Variants in NOX5 observed in about 807,000 individuals in gnomAD.
NOX5 encodes NADPH oxidase 5, also known as NADPH oxidase, EF-hand calcium binding domain 5.
A neutral mutation model predicts 85.7 loss-of-function variants in NOX5; 76 were observed. The ratio of observed to expected loss-of-function variants is 0.89; its 90% confidence interval spans 0.74 to 1.07. The LOEUF (loss-of-function observed/expected upper bound fraction) is 1.07. Ranked by LOEUF, NOX5 falls within the 50% of genes least tolerant of loss-of-function variation. NOX5 has a pLI of 0.00. For missense variants in NOX5, 973 were observed against 999.5 expected (o/e 0.97, Z 0.36); for synonymous variants, 405 against 401.4 (o/e 1.01, Z -0.11).
At chr15:69,048,811 T>C (rs1028415909) in intron 13 of NOX5, 148 bp from the exon 14 acceptor site, 3 of 556,430 alleles carry the variant, frequency 5.4e-6, no homozygotes, top group African/African-American at 1.9e-5. Flanking sequence ...CTCACCTCTA[T>C]GAGCCTTGAT....
intron 9 of NOX5, among the ~76,000 whole-genome samples, chr15:69,039,593 G>A (rs2050569084): frequency 6.6e-6 from 1 of 152,178 alleles, no homozygotes; most frequent in Non-Finnish European, 1.5e-5. Context: ...GCCAGCTCAG[G>A]AGAGGATATA....
chr15:69,056,533 C>T, intron 15 of NOX5, 32 bp from the exon 16 acceptor site: 1 of 1,608,590 alleles, frequency 6.2e-7, no homozygotes, highest in Non-Finnish European at 8.5e-7. Flanking sequence ...ACCTATCTTC[C>T]CTCTTCTCTT....
At chr15:69,035,693 A>G in intron 6 of NOX5, 65 bp from the exon 7 acceptor site, 1 of 1,585,328 alleles carries the variant, frequency 6.3e-7, no homozygotes, top group Non-Finnish European at 8.6e-7. Context: ...TGGGGATCCC[A>G]ATGGGAAGGT....
chr15:69,056,639 G>A lies in NOX5; in HGVS notation c.2241G>A (p.Lys747=). Residue 747 remains lysine, a synonymous_variant, in exon 16 of 16, where the codon AAG becomes AAA. Transcript: ENST00000388866. ...VFFCGSPALA[K]VLKGHCEKFG... is the part of the protein sequence containing the mutation. ...TCTGTGGCTCCCCAGCTCTGGCCAA[G>A]GTGCTGAAGGGCCATTGTGAGAAGT... 6.2e-7 allele frequency: 1 copy of A among 1,613,830 alleles called. No individual in the cohort carries two copies. The highest frequency in any genetic ancestry group is 8.5e-7 in the Non-Finnish European group (1 of 1,180,036).
rs2050872618 is a variant in NOX5 at position 69,061,766 on chromosome 15, G to C, written c.*5070G>C. ...GCCCTAATACTACTCAGGGACAAAT[G>C]GGCCCTCTTAAACTACCCTAGCTGT... On this transcript the variant is annotated 3_prime_UTR_variant, in exon 16 of 16. Transcript: ENST00000388866. The C allele has an allele frequency of 6.6e-6, 1 of 152,114 alleles. No individual in the cohort carries two copies. The highest frequency in any genetic ancestry group is 1.5e-5 in the Non-Finnish European group (1 of 68,042). The allele number at this position is 152,114 out of a possible 1,614,324, so 9.4% of individuals were successfully genotyped here.
chr15:69,047,060 C>G (rs2050682890), intron 11 of NOX5, 194 bp downstream of exon 11: 1 of 618,218 alleles, frequency 1.6e-6, no homozygotes. Flanking sequence ...GGTGCTCAGC[C>G]TCACCCTCAG....
At chr15:69,019,385 C>G (rs1239653933) in intron 1 of NOX5, among the ~76,000 whole-genome samples, 1 of 152,212 alleles carries the variant, frequency 6.6e-6, no homozygotes, top group African/African-American at 2.4e-5. Context: ...TCAGTATCCT[C>G]TTTGTGATAT....
intron 12 of NOX5, 145 bp from the exon 13 acceptor site, chr15:69,047,685 C>G (rs1035611885): frequency 1.5e-6 from 2 of 1,333,460 alleles, no homozygotes; most frequent in Admixed American, 4.2e-5. Flanking sequence ...CTCTGCCCCC[C>G]TCTCCTTTTT....
intron 3 of NOX5, chr15:69,030,361 T>C (rs986254869): frequency 1.3e-5 from 2 of 152,226 alleles, no homozygotes; most frequent in Non-Finnish European, 2.9e-5. Context: ...TCTTCAGCAA[T>C]GTTCATTTTG....
chr15:69,047,622 C>T, intron 12 of NOX5, 85 bp downstream of exon 12: 1 of 1,499,544 alleles, frequency 6.7e-7, no homozygotes, highest in South Asian at 1.3e-5. Context: ...ATTCCTTCTC[C>T]TTCCTCTCCT....
chr15:69,046,861 A>G lies in NOX5; in HGVS notation c.1687A>G (p.Ile563Val), dbSNP rs545190178. ...TTTGGAGAAACACAAATTCTGTAACATCAAGGTGAGAGGCTGCAGGGGTGG... is the reference window on the plus strand; with the variant it reads ...TTTGGAGAAACACAAATTCTGTAACGTCAAGGTGAGAGGCTGCAGGGGTGG... ...ILLEKHKFCN[I>V]KCYIDGPYGT... The change falls in exon 11 of 16, where the codon ATC becomes GTC. Residue 563 changes from isoleucine to valine, a missense_variant. Transcript: ENST00000388866. 6.2e-7 allele frequency: 1 copy of G among 1,613,830 alleles called. No homozygotes were observed. Among genetic ancestry groups the G allele is most frequent in the African/African-American group, 1.3e-5 (1 of 75,034 alleles).
chr15:69,053,055 AG>A (rs889824538), intron 14 of NOX5, among the ~76,000 whole-genome samples: 3 of 152,240 alleles, frequency 2.0e-5, no homozygotes, highest in African/African-American at 7.2e-5. Flanking sequence ...AATTTCTTTC[AG>A]GGTTTCTCAT....
rs558979920 is a variant in NOX5, at chr15:69,026,540, C to T, written c.63C>T (p.Ala21=). ...GPEGCRGTMS[A]EEDARWLRWV... The stretch of plus-strand genomic sequence containing the variant: ...CTTTGCCTCCCAGCACCATGAGTGC[C>T]GAGGAGGATGCCAGGTGGCTCCGGT... The change falls in exon 2 of 16, where the codon GCC becomes GCT. Residue 21 remains alanine, a synonymous_variant. Coordinates refer to ENST00000388866, the MANE Select transcript of NOX5 (RefSeq NM_024505.4). 25 of 1,614,080 alleles carry T rather than the reference C, an allele frequency of 1.5e-5. No homozygotes were observed. The highest frequency in any genetic ancestry group is 5.0e-5 in the Admixed American group (3 of 60,014).
At chr15:69,045,536 T>TTTCTTTCTTTCTTTTTCTTTC (rs2050653280) in intron 10 of NOX5, among the ~76,000 whole-genome samples, 1 of 94,470 alleles carries the variant, frequency 1.1e-5, no homozygotes, top group Non-Finnish European at 1.9e-5. Context: ...TTCCTTTCTT[T>TTTCTTTCTTTCTTTTTCTTTC]TTTCTTTCTT....
At chr15:69,052,925 A>T (rs1237051670) in intron 14 of NOX5, among the ~76,000 whole-genome samples, 1 of 152,224 alleles carries the variant, frequency 6.6e-6, no homozygotes, top group East Asian at 1.9e-4. Flanking sequence ...TAAATTTTCT[A>T]GTTACTGGCA....
intron 3 of NOX5, 199 bp from the exon 4 acceptor site, chr15:69,031,319 C>T: frequency 1.3e-5 from 8 of 595,132 alleles, no homozygotes; most frequent in Non-Finnish European, 2.3e-5. Context: ...ATTCTGGAGA[C>T]AGGCAACCAC....
chr15:69,039,092 A>G lies in NOX5; in HGVS notation c.1504+103A>G, dbSNP rs1486137499. 2.0e-5 allele frequency: 27 copies of G among 1,325,098 alleles called. 1 individual carries two copies. The highest frequency in any genetic ancestry group is 2.0e-4 in the Middle Eastern group (1 of 5,092). 82.1% of individuals were successfully genotyped at this position (1,325,098 alleles called of 1,614,324 possible). ...GGAACACAGCACTGAACAAGGCCAG[A>G]AACACAAAGTCAGCCTCAAAAAGCT... On this transcript the variant is annotated intron_variant, in intron 9 of 15. Coordinates refer to ENST00000388866, the MANE Select transcript of NOX5 (RefSeq NM_024505.4).
intron 3 of NOX5, chr15:69,031,010 A>C (rs1268960552): frequency 6.5e-6 from 1 of 153,890 alleles, no homozygotes. Flanking sequence ...AATACAGAAA[A>C]ATCTCATCTC....
chr15:69,036,003 C>T (rs2050512346), intron 7 of NOX5, 67 bp downstream of exon 7: 2 of 1,591,236 alleles, frequency 1.3e-6, no homozygotes, highest in African/African-American at 1.3e-5. Flanking sequence ...TTTCTGTGTC[C>T]CCTCTGATTT....
Sources: gnomAD v4.1 joint callset for allele counts (sites outside exome capture counted in the v4.1 genomes callset) on GRCh38, gnomAD v4.1.1 for gene constraint, MANE v1.5 for transcripts, NCBI Gene and HGNC (gene_info 2026-07-23, HGNC 2026-07-21) for gene names.